The following ANK3 variants were observed in gnomAD, a reference collection of about 807,000 sequenced individuals.
ANK3 encodes the protein ankyrin-3.
In ANK3, 57 loss-of-function variants were observed where a neutral mutation model predicts 370.9. That is an observed-to-expected ratio of 0.15 (90% CI 0.12 to 0.19). The LOEUF (loss-of-function observed/expected upper bound fraction) is 0.19, where lower values mean the gene tolerates loss of function less well. Ranked by LOEUF, ANK3 falls within the 10% of genes least tolerant of loss-of-function variation. ANK3 has a pLI of 1.00. For missense variants in ANK3, 4,439 were observed against 5,302.1 expected (o/e 0.84, Z 5.06); for synonymous variants, 1,929 against 1,946.3 (o/e 0.99, Z 0.23).
chr10:60,203,080 A>G lies in ANK3; in HGVS notation c.1314T>C (p.His438=), dbSNP rs750353767. Residue 438 remains histidine (H), a synonymous_variant, in exon 12 of 44, where the codon CAT becomes CAC. Transcript: ENST00000280772. ...AVTESGLTPI[H]VAAFMGHVNI... The stretch of plus-strand genomic sequence containing the variant: ...TTACATGCCCCATGAAGGCAGCAAC[A>G]TGGATTGGGGTAAGGCCCGACTAAG... 3.1e-6 allele frequency: 5 copies of G among 1,613,882 alleles called. No individual in the cohort carries two copies. Among genetic ancestry groups the G allele is most frequent in the Non-Finnish European group, 3.4e-6 (4 of 1,179,850 alleles).
At chr10:60,042,331 G>A (rs971626168) in intron 43 of ANK3, among the ~76,000 whole-genome samples, 1 of 152,150 alleles carries the variant, frequency 6.6e-6, no homozygotes, top group Non-Finnish European at 1.5e-5. Flanking sequence ...AGAAGTATTC[G>A]TTGCCAAATA....
At chr10:60,428,733 G>A (rs1340846237) in intron 2 of ANK3, among the ~76,000 whole-genome samples, 8 of 152,184 alleles carry the variant, frequency 5.3e-5, no homozygotes, top group Admixed American at 5.2e-4. Flanking sequence ...AAAGGGCAAG[G>A]TAATTTCCAA....
chr10:60,062,933 G>A (rs1181854819), intron 40 of ANK3, 178 bp downstream of exon 40: 1 of 563,092 alleles, frequency 1.8e-6, no homozygotes, highest in Non-Finnish European at 3.1e-6. Context: ...TATATAAACA[G>A]AGGTATTTAC....
chr10:60,619,396 G>T (rs996703550), intron 1 of ANK3, among the ~76,000 whole-genome samples: 2 of 152,164 alleles, frequency 1.3e-5, no homozygotes, highest in East Asian at 3.8e-4. Context: ...ATGAGGTAAA[G>T]TGATGTGCTT....
rs1403989141 is a variant in ANK3, at chr10:60,528,426, T to A, written c.96+86760A>T. On this transcript the variant is annotated intron_variant, in intron 2 of 43. Coordinates refer to the ANK3 transcript ENST00000373827. ...GCTGGGATTACAGGTGTGAGCCACC[T>A]GGCCCTGCAATGTTTTTGAATTTTA... is the stretch of plus-strand genomic sequence containing the variant. 3.3e-5 allele frequency among the ~76,000 whole-genome samples: 5 copies of A among 152,026 alleles called. No homozygotes were observed. In the East Asian group the frequency reaches 7.7e-4, roughly 24 times the overall value.
intron 25 of ANK3, among the ~76,000 whole-genome samples, chr10:60,124,330 T>G (rs2093648062): frequency 7.2e-6 from 1 of 138,730 alleles, no homozygotes; most frequent in African/African-American, 2.6e-5. Flanking sequence ...CCCAGCTGAT[T>G]TTATTTTATT....
chr10:60,541,003 G>A (rs1425268417), intron 2 of ANK3, among the ~76,000 whole-genome samples: 1 of 151,724 alleles, frequency 6.6e-6, no homozygotes, highest in African/African-American at 2.4e-5. Context: ...AAGGCAACTG[G>A]TTTACTAAAC....
intron 1 of ANK3, among the ~76,000 whole-genome samples, chr10:60,348,863 T>C (rs2056272788): frequency 6.6e-6 from 1 of 152,226 alleles, no homozygotes; most frequent in Non-Finnish European, 1.5e-5. Flanking sequence ...AAGGTCTCCA[T>C]AATTGTACAT....
chr10:60,393,976 C>T (rs962288234), upstream of ANK3, among the ~76,000 whole-genome samples: 1 of 151,584 alleles, frequency 6.6e-6, no homozygotes, highest in Non-Finnish European at 1.5e-5. Context: ...GAGGGTGTGC[C>T]TCCTCAACCC....
chr10:60,361,865 C>T (rs1205529436), intron 1 of ANK3, among the ~76,000 whole-genome samples: 1 of 151,944 alleles, frequency 6.6e-6, no homozygotes, highest in African/African-American at 2.4e-5. Flanking sequence ...TAACCTAAAG[C>T]ATTTTTTGGG....
chr10:60,304,407 C>T (rs575887815), intron 1 of ANK3, among the ~76,000 whole-genome samples: 92 of 152,210 alleles, frequency 6.0e-4, no homozygotes, highest in Non-Finnish European at 1.1e-3. Flanking sequence ...CTTTGGGAGG[C>T]TGAGGTGGGT....
At chr10:60,523,358 T>C (rs1025552829) in intron 2 of ANK3, among the ~76,000 whole-genome samples, 15 of 151,572 alleles carry the variant, frequency 9.9e-5, no homozygotes, top group South Asian at 2.1e-4. Context: ...TTATTTAGCA[T>C]TAGGTGTATC....
At chr10:60,672,649 C>T (rs1488924246) in intron 1 of ANK3, among the ~76,000 whole-genome samples, 1 of 152,088 alleles carries the variant, frequency 6.6e-6, no homozygotes, top group African/African-American at 2.4e-5. Context: ...TATAATAAAC[C>T]AGTAGATGTG....
At chr10:60,241,825 C>A (rs372958411) in intron 7 of ANK3, among the ~76,000 whole-genome samples, 1 of 152,046 alleles carries the variant, frequency 6.6e-6, no homozygotes, top group African/African-American at 2.4e-5. Context: ...CACATGTATA[C>A]GCAGATGCAT....
At chr10:60,523,524 G>A (rs2076399878) in intron 2 of ANK3, among the ~76,000 whole-genome samples, 2 of 151,454 alleles carry the variant, frequency 1.3e-5, no homozygotes, top group African/African-American at 4.9e-5. Flanking sequence ...AGTTTGCTGA[G>A]AATGATGATT....
chr10:60,076,639 A>C (rs2083896766), intron 36 of ANK3, among the ~76,000 whole-genome samples, 191 bp from the exon 37 acceptor site: 2 of 121,720 alleles, frequency 1.6e-5, no homozygotes, highest in African/African-American at 6.5e-5. Flanking sequence ...CTACAGACAT[A>C]ACTAATCTGA....
At chr10:60,574,826 A>G (rs2077663301) in intron 2 of ANK3, among the ~76,000 whole-genome samples, 1 of 152,204 alleles carries the variant, frequency 6.6e-6, no homozygotes, top group Admixed American at 6.5e-5. Context: ...TAGGTAAGCA[A>G]CAGAGATAGT....
At chr10:60,549,125 GA>G (rs1038926269) in intron 2 of ANK3, among the ~76,000 whole-genome samples, 2 of 142,346 alleles carry the variant, frequency 1.4e-5, no homozygotes, top group Non-Finnish European at 3.0e-5. Context: ...ATGAGTGAGA[GA>G]AGGGCATGTT....
chr10:60,524,242 G>C (rs1567117467), intron 2 of ANK3, among the ~76,000 whole-genome samples: 1 of 152,082 alleles, frequency 6.6e-6, no homozygotes, highest in Non-Finnish European at 1.5e-5. Flanking sequence ...GCCATCCCAG[G>C]TAATTCTAAT....
Sources: allele counts gnomAD v4.1 joint callset (sites outside exome capture counted in the v4.1 genomes callset), GRCh38; gene constraint gnomAD v4.1.1; transcripts MANE v1.5; gene names NCBI Gene and HGNC (gene_info 2026-07-23, HGNC 2026-07-21).